SNTB2: variants seen among roughly 807,000 people sequenced by gnomAD.
SNTB2 encodes syntrophin beta 2.
SNTB2 carries 34 observed loss-of-function variants against 46.2 expected under a neutral mutation model. The observed-to-expected ratio is 0.74, with a 90% CI of 0.56 to 0.98. The LOEUF (loss-of-function observed/expected upper bound fraction) is 0.98, where lower values mean the gene tolerates loss of function less well. Among genes scored for constraint, SNTB2 ranks in the 50% least tolerant of loss-of-function variants. SNTB2 has a pLI of 0.00. For missense variants in SNTB2, 603 were observed against 731.4 expected (o/e 0.82, Z 2.02); for synonymous variants, 290 against 312.6 (o/e 0.93, Z 0.76).
chr16:69,279,208 C>T (rs1044892523), intron 4 of SNTB2, among the ~76,000 whole-genome samples: 1 of 152,088 alleles, frequency 6.6e-6, no homozygotes, highest in African/African-American at 2.4e-5. Context: ...CCACATTCTA[C>T]CTTCTGTTGT....
At chr16:69,210,742 C>T (rs1176208840) in intron 1 of SNTB2, among the ~76,000 whole-genome samples, 1 of 152,108 alleles carries the variant, frequency 6.6e-6, no homozygotes, top group Admixed American at 6.5e-5. Context: ...CCTGTAATCC[C>T]AGCACTTTGG....
At chr16:69,198,260 C>T (rs1478070826) in intron 1 of SNTB2, among the ~76,000 whole-genome samples, 3 of 152,068 alleles carry the variant, frequency 2.0e-5, no homozygotes, top group Non-Finnish European at 4.4e-5. Flanking sequence ...AGTCCTACAC[C>T]ACCACGCCCA....
At position 69,219,695 on chromosome 16, in the gene SNTB2, T is replaced by C. The variant is rs528970086; in HGVS notation, c.581-25907T>C. ...TTATTTAATAGTTTGTACGCAATAGTCATAGAAACCAGATTTTATTTTATT... is the reference window on the plus strand; with the variant it reads ...TTATTTAATAGTTTGTACGCAATAGCCATAGAAACCAGATTTTATTTTATT... On this transcript the variant is annotated intron_variant, in intron 1 of 6. Coordinates refer to ENST00000336278, the MANE Select transcript of SNTB2 (RefSeq NM_006750.4). Among the ~76,000 whole-genome samples the C allele has an allele frequency of 2.6e-5, 4 of 152,200 alleles. No individual in the cohort carries two copies. The South Asian group carries it at 8.3e-4, about 32-fold the overall frequency.
intron 2 of SNTB2, among the ~76,000 whole-genome samples, chr16:69,255,593 T>C (rs1415752293): frequency 1.3e-5 from 2 of 150,302 alleles, no homozygotes; most frequent in Admixed American, 1.3e-4. Context: ...AAAAATTTTT[T>C]GTTGGGGCTG....
At chr16:69,280,565 C>T (rs1195682938) in intron 4 of SNTB2, among the ~76,000 whole-genome samples, 57 of 148,336 alleles carry the variant, frequency 3.8e-4, no homozygotes, top group African/African-American at 1.3e-3. Flanking sequence ...CCCTCCCGGA[C>T]GGGGCGGCTG....
chr16:69,309,033 TAAA>T lies in SNTB2; in HGVS notation c.*8113_*8115del, dbSNP rs1417746870. On this transcript the variant is annotated 3_prime_UTR_variant, in exon 7 of 7. Coordinates refer to ENST00000336278, the MANE Select transcript of SNTB2 (RefSeq NM_006750.4). ...ACCTTTGTAACCTTTATACTGTAAA[TAAA>T]AAAGTTGCTTTAGTCACGTGGGTTG... is the stretch of plus-strand genomic sequence containing the variant. 3 of 151,570 alleles carry T rather than the reference TAAA, an allele frequency of 2.0e-5. No individual in the cohort carries two copies. Among genetic ancestry groups the T allele is most frequent in the Admixed American group, 6.6e-5 (1 of 15,190 alleles). The allele number at this position is 151,570 out of a possible 1,614,324, so 9.4% of individuals were successfully genotyped here.
chr16:69,255,160 C>T (rs1567408120), intron 2 of SNTB2, among the ~76,000 whole-genome samples: 1 of 152,064 alleles, frequency 6.6e-6, no homozygotes, highest in African/African-American at 2.4e-5. Flanking sequence ...TACAGTGGTA[C>T]TATCATAGCT....
chr16:69,213,705 G>A (rs1964314266), intron 1 of SNTB2, among the ~76,000 whole-genome samples: 1 of 150,876 alleles, frequency 6.6e-6, no homozygotes, highest in Non-Finnish European at 1.5e-5. Flanking sequence ...TCACCATGCT[G>A]GCCAGGCTGG....
At chr16:69,275,220 A>C (rs534525049) in intron 4 of SNTB2, among the ~76,000 whole-genome samples, 46 of 151,904 alleles carry the variant, frequency 3.0e-4, no homozygotes, top group Non-Finnish European at 6.0e-4. Context: ...CTATAGGCAT[A>C]AGCCACTATG....
intron 1 of SNTB2, among the ~76,000 whole-genome samples, chr16:69,205,545 C>A (rs1317389308): frequency 6.6e-6 from 1 of 152,016 alleles, no homozygotes; most frequent in Non-Finnish European, 1.5e-5. Context: ...CCTTGTAAGG[C>A]AAGAATAAAG....
At chr16:69,290,814 G>A (rs1411981942) in intron 5 of SNTB2, among the ~76,000 whole-genome samples, 1 of 152,098 alleles carries the variant, frequency 6.6e-6, no homozygotes, top group Admixed American at 6.6e-5. Flanking sequence ...TCAAGATATG[G>A]GAACTGGTGT....
chr16:69,206,858 C>G (rs888640887), intron 1 of SNTB2, among the ~76,000 whole-genome samples: 14 of 151,308 alleles, frequency 9.3e-5, no homozygotes, highest in Non-Finnish European at 1.5e-4. Flanking sequence ...CTCCACCTCC[C>G]AGGTTCAAGT....
In SNTB2 at chr16:69,308,033, A is replaced by G. The variant is rs1255308698; in HGVS notation, c.*7109A>G. 1 of 152,462 alleles carries G rather than the reference A, an allele frequency of 6.6e-6. No homozygotes were observed. The highest frequency in any genetic ancestry group is 1.5e-5 in the Non-Finnish European group (1 of 68,030). The allele number at this position is 152,462 out of a possible 1,614,324, so 9.4% of individuals were successfully genotyped here. A position where few individuals can be genotyped will look rare whatever the true frequency, so the allele number is the denominator to read the frequency against. On this transcript the variant is annotated 3_prime_UTR_variant, in exon 7 of 7. Transcript: ENST00000336278. The stretch of plus-strand genomic sequence containing the variant: ...TCATTGCCCAGAAAGTACCTGAGCT[A>G]TCAGTGATTGGAATGGCACAGGAAA...
intron 3 of SNTB2, among the ~76,000 whole-genome samples, chr16:69,260,525 G>A (rs1964824937): frequency 6.6e-6 from 1 of 152,050 alleles, no homozygotes; most frequent in Admixed American, 6.6e-5. Flanking sequence ...TACCATCTCT[G>A]TCCTTAATGA....
chr16:69,249,844 A>G (rs944991639), intron 2 of SNTB2, among the ~76,000 whole-genome samples: 2 of 152,172 alleles, frequency 1.3e-5, no homozygotes, highest in African/African-American at 4.8e-5. Flanking sequence ...AACACCTGTA[A>G]TCCCAGCACT....
intron 2 of SNTB2, among the ~76,000 whole-genome samples, chr16:69,251,350 A>G (rs1964723662): frequency 1.3e-5 from 2 of 151,392 alleles, no homozygotes; most frequent in South Asian, 2.1e-4. Flanking sequence ...AAAGTTACTG[A>G]ATATTTTTGT....
intron 5 of SNTB2, among the ~76,000 whole-genome samples, chr16:69,290,732 G>C (rs551299611): frequency 6.6e-6 from 1 of 152,260 alleles, no homozygotes; most frequent in South Asian, 2.1e-4. Context: ...TTGTCATAAG[G>C]CATAAATGAA....
chr16:69,222,105 G>A (rs2152293730), intron 1 of SNTB2, among the ~76,000 whole-genome samples: 1 of 152,154 alleles, frequency 6.6e-6, no homozygotes, highest in South Asian at 2.1e-4. Context: ...AAAGCAAACT[G>A]GTTTTTAAAT....
chr16:69,195,601 G>A (rs1964097781), intron 1 of SNTB2, among the ~76,000 whole-genome samples: 1 of 152,126 alleles, frequency 6.6e-6, no homozygotes, highest in Non-Finnish European at 1.5e-5. Flanking sequence ...TATCTTGGCT[G>A]CAACATCTCC....
Sources: gnomAD v4.1 joint callset for allele counts (sites outside exome capture counted in the v4.1 genomes callset) on GRCh38, gnomAD v4.1.1 for gene constraint, MANE v1.5 for transcripts, NCBI Gene and HGNC (gene_info 2026-07-23, HGNC 2026-07-21) for gene names.